Variants in HMCN2 observed in about 807,000 individuals in gnomAD.
HMCN2 encodes the protein hemicentin-2.
A neutral mutation model predicts 377.5 loss-of-function variants in HMCN2; 325 were observed. That is an observed-to-expected ratio of 0.86 (90% confidence interval 0.79 to 0.94). The LOEUF is 0.94. HMCN2 is among the 40% of genes least tolerant of loss of function. The probability of loss-of-function intolerance (pLI) is 0.00; values close to 1 mark genes in which losing one functional copy is unlikely to be tolerated. For synonymous variants in HMCN2, 2,007 were observed against 2,046.8 expected (o/e 0.98, Z 0.53); for missense variants, 4,543 against 4,725.3 (o/e 0.96, Z 1.13).
chr9:130,390,707 C>T (rs892628826), intron 62 of HMCN2, among the ~76,000 whole-genome samples: 3 of 151,662 alleles, frequency 2.0e-5, no homozygotes, highest in African/African-American at 7.3e-5. Context: ...AAAGCAGAAA[C>T]CTTGATTGAT....
At chr9:130,270,115 CTG>C (rs1304640655) in intron 1 of HMCN2, among the ~76,000 whole-genome samples, 2 of 147,324 alleles carry the variant, frequency 1.4e-5, no homozygotes, top group Non-Finnish European at 3.0e-5. Flanking sequence ...CTGGCCTTAA[CTG>C]TTTCTTTTTT....
chr9:130,429,439 A>T, intron 93 of HMCN2, 118 bp from the exon 94 acceptor site: 1 of 1,318,262 alleles, frequency 7.6e-7, no homozygotes, highest in Non-Finnish European at 1.0e-6. Flanking sequence ...GCCTGGTGGC[A>T]CTGAAACTGG....
intron 96 of HMCN2, among the ~76,000 whole-genome samples, chr9:130,431,692 C>A (rs1844767660): frequency 6.6e-6 from 1 of 152,234 alleles, no homozygotes; most frequent in Non-Finnish European, 1.5e-5. Context: ...CAAACAGGAG[C>A]TCTGAGATCA....
chr9:130,399,421 G>A (rs922161643), intron 75 of HMCN2, 90 bp from the exon 76 acceptor site: 2 of 1,165,960 alleles, frequency 1.7e-6, no homozygotes, highest in Admixed American at 3.4e-5. Flanking sequence ...TACAGGAAGG[G>A]GAAATGGGCG....
chr9:130,279,608 C>T (rs1554924920), intron 1 of HMCN2, among the ~76,000 whole-genome samples: 1 of 152,176 alleles, frequency 6.6e-6, no homozygotes, highest in African/African-American at 2.4e-5. Flanking sequence ...CTGCCTGGGC[C>T]TCCCAGAGTG....
chr9:130,278,030 TCATCACC>T (rs879954304), intron 1 of HMCN2, among the ~76,000 whole-genome samples: 58,726 of 91,704 alleles, frequency 0.64, 24,719 homozygotes, highest in African/African-American at 0.81. Context: ...ACCACCACGA[TCATCACC>T]ACCACCATCA....
At chr9:130,270,086 C>G (rs1554920568) in intron 1 of HMCN2, among the ~76,000 whole-genome samples, 1 of 147,926 alleles carries the variant, frequency 6.8e-6, no homozygotes, top group East Asian at 1.9e-4. Flanking sequence ...GCTGGGATTA[C>G]AGGCATGAGC....
chr9:130,429,713 A>G (rs1844623243), intron 94 of HMCN2, 28 bp downstream of exon 94: 4 of 1,304,478 alleles, frequency 3.1e-6, no homozygotes, highest in Non-Finnish European at 4.1e-6. Context: ...CTCTGGCCAC[A>G]CCGCTGCAGC....
chr9:130,298,969 G>A, intron 7 of HMCN2, 56 bp from the exon 8 acceptor site: 1 of 426,830 alleles, frequency 2.3e-6, no homozygotes, highest in Non-Finnish European at 4.9e-6. Flanking sequence ...TACTTGAGGG[G>A]GATCACAGAG....
chr9:130,312,395 A>G (rs889261231), intron 15 of HMCN2, among the ~76,000 whole-genome samples: 4 of 151,490 alleles, frequency 2.6e-5, no homozygotes, highest in Non-Finnish European at 4.4e-5. Flanking sequence ...GGGAGGGTGT[A>G]CCTTGTGTTG....
rs891528690 is a variant in HMCN2 at position 130,271,561 on chromosome 9, C to A, written c.259+5424C>A. ...AGTTGGTTTCTGTGTCCCTTGGACA[C>A]CCCTCTTGTTGTGCACGTGTGTTTT... On this transcript the variant is annotated intron_variant, in intron 1 of 97. Transcript: ENST00000683500. Among the ~76,000 whole-genome samples, 15 of 148,956 alleles carry A rather than the reference C, an allele frequency of 1.0e-4. 1 individual carries two copies. The highest frequency in any genetic ancestry group is 3.4e-4 in the African/African-American group (14 of 41,236).
intron 49 of HMCN2, among the ~76,000 whole-genome samples, chr9:130,375,049 C>G (rs1841297945): frequency 1.3e-5 from 2 of 152,192 alleles, no homozygotes; most frequent in Non-Finnish European, 2.9e-5. Flanking sequence ...TACATACCTA[C>G]TATTCTGTAA....
chr9:130,315,022 A>C (rs982498030), intron 15 of HMCN2, among the ~76,000 whole-genome samples: 11 of 151,646 alleles, frequency 7.3e-5, no homozygotes, highest in Admixed American at 2.0e-4. Flanking sequence ...TTTCCCTTGG[A>C]AAATCCCTGG....
chr9:130,433,843 C>T lies in HMCN2; in HGVS notation c.*150C>T. On this transcript the variant is annotated 3_prime_UTR_variant, in exon 98 of 98. Coordinates refer to ENST00000683500, the MANE Select transcript of HMCN2 (RefSeq NM_001291815.2). ...GACCTTGGGTCAACACGACCCTGCG[C>T]ACAGCCTTGACCCCCGACAGCGAGG... 2 of 674,620 alleles carry T rather than the reference C, an allele frequency of 3.0e-6. No homozygotes were observed. Among genetic ancestry groups the T allele is most frequent in the Non-Finnish European group, 2.3e-6 (1 of 436,748 alleles). 41.8% of individuals were successfully genotyped at this position (674,620 alleles called of 1,614,324 possible).
intron 48 of HMCN2, among the ~76,000 whole-genome samples, chr9:130,373,646 T>C (rs1230781809): frequency 2.1e-5 from 3 of 143,778 alleles, no homozygotes; most frequent in Non-Finnish European, 4.6e-5. Context: ...GATGAATGGA[T>C]AGATGGATAG....
rs1008678270 is a variant in HMCN2, at chr9:130,360,110, G to A, written c.5774-318G>A. ...CCTGGCTGCCTCAGCCTCTGCCCACGGGGCTTCTTCTCCACCCTTGGTCCT... is the reference window on the plus strand; with the variant it reads ...CCTGGCTGCCTCAGCCTCTGCCCACAGGGCTTCTTCTCCACCCTTGGTCCT... On this transcript the variant is annotated intron_variant, in intron 37 of 97. Transcript: ENST00000683500. This position sits in a 1 kb window ranked among gnomAD's most constrained non-coding sequence, Gnocchi z 4.7. Among the ~76,000 whole-genome samples, 16 of 152,116 alleles carry A rather than the reference G, an allele frequency of 1.1e-4. No homozygotes were observed. Among genetic ancestry groups the A allele is most frequent in the African/African-American group, 2.9e-4 (12 of 41,408 alleles).
chr9:130,331,008 A>ACACACAC (rs1838396739), intron 22 of HMCN2, among the ~76,000 whole-genome samples: 1,122 of 53,670 alleles, frequency 0.021, 16 homozygotes, highest in African/African-American at 0.057. Context: ...CACACACACA[A>ACACACAC]ATAGCCGGAC....
chr9:130,428,362 G>A lies in HMCN2; in HGVS notation c.14070G>A (p.Val4690=). ...LAWDDRNCRD[V]DECAWDAHLC... Reference sequence around the variant, plus strand: ...TCTGCCCTGATCTGCCCCCAGATGTGGACGAGTGTGCGTGGGATGCTCACC... The same window carrying A: ...TCTGCCCTGATCTGCCCCCAGATGTAGACGAGTGTGCGTGGGATGCTCACC... The change falls in exon 93 of 98, where the codon GTG becomes GTA. Residue 4690 remains valine (V), a synonymous_variant. Coordinates refer to ENST00000683500, the MANE Select transcript of HMCN2 (RefSeq NM_001291815.2). This position sits in a 1 kb window ranked among gnomAD's most constrained non-coding sequence, Gnocchi z 5.0. 1 of 1,546,520 alleles carries A rather than the reference G, an allele frequency of 6.5e-7. No individual in the cohort carries two copies. The highest frequency in any genetic ancestry group is 8.7e-7 in the Non-Finnish European group (1 of 1,146,026).
intron 90 of HMCN2, among the ~76,000 whole-genome samples, chr9:130,426,845 G>T (rs11244302): frequency 6.6e-6 from 1 of 150,616 alleles, no homozygotes; most frequent in Non-Finnish European, 1.5e-5. Flanking sequence ...TTCTTCCAGC[G>T]TGGCCCACAG....
Sources: allele counts gnomAD v4.1 joint callset (sites outside exome capture counted in the v4.1 genomes callset), GRCh38; gene constraint gnomAD v4.1.1; non-coding constraint Gnocchi (gnomAD v3.1); transcripts MANE v1.5; gene names NCBI Gene and HGNC (gene_info 2026-07-23, HGNC 2026-07-21).